The following CHRM5 variants were observed in gnomAD, a reference collection of about 807,000 sequenced individuals.
The protein encoded by CHRM5 is cholinergic receptor muscarinic 5, also known as muscarinic acetylcholine receptor M5.
In CHRM5, 18 loss-of-function variants were observed where a neutral mutation model predicts 39.0. That is an observed-to-expected ratio of 0.46 (90% CI 0.32 to 0.68). The LOEUF is 0.68. Ranked by LOEUF, CHRM5 falls within the 30% of genes least tolerant of loss-of-function variation. The pLI is 0.04. For missense variants in CHRM5, 515 were observed against 651.1 expected, an observed-to-expected ratio of 0.79 and a Z score of 2.28; for synonymous variants, 241 against 246.3, an observed-to-expected ratio of 0.98 and a Z score of 0.20.
At chr15:34,009,840 T>G (rs574241058) in intron 1 of CHRM5, among the ~76,000 whole-genome samples, 1 of 152,082 alleles carries the variant, frequency 6.6e-6, no homozygotes, top group African/African-American at 2.4e-5. Flanking sequence ...AAATAAAAAA[T>G]TAGCTGAGCA....
chr15:34,046,260 C>T lies in CHRM5; in HGVS notation c.-407-280C>T, dbSNP rs1034069276. Among the ~76,000 whole-genome samples, 5 of 150,828 alleles carry T rather than the reference C, an allele frequency of 3.3e-5. No individual in the cohort carries two copies. The East Asian group carries it at 5.9e-4, about 18-fold the overall frequency. The stretch of plus-strand genomic sequence containing the variant: ...TCAATCCATCAGCCGTGGAACCTAC[C>T]TTATGTTCCAAATCTTTTTGTGGAA... On this transcript the variant is annotated intron_variant, in intron 1 of 2. Coordinates refer to ENST00000383263, the MANE Select transcript of CHRM5 (RefSeq NM_012125.4).
intron 2 of CHRM5, among the ~76,000 whole-genome samples, chr15:34,060,493 G>A (rs771085103): frequency 6.6e-5 from 10 of 152,176 alleles, no homozygotes; most frequent in Non-Finnish European, 1.0e-4. Flanking sequence ...GTCAGTTACT[G>A]TTATCAAAAA....
intron 2 of CHRM5, among the ~76,000 whole-genome samples, chr15:34,056,845 AC>A (rs1900171805): frequency 6.6e-6 from 1 of 152,202 alleles, no homozygotes; most frequent in Admixed American, 6.5e-5. Flanking sequence ...AGCCTGAGCA[AC>A]ATAGCGAGAC....
intron 2 of CHRM5, among the ~76,000 whole-genome samples, chr15:34,060,743 G>A (rs1235271266): frequency 6.6e-6 from 1 of 152,164 alleles, no homozygotes; most frequent in Non-Finnish European, 1.5e-5. Context: ...CAGGCTTGGT[G>A]GCTGTAATCC....
Position 34,037,120 on chromosome 15 carries a change from A to AT in CHRM5, c.-407-9420_-407-9419insT, listed in dbSNP as rs1250590304. 1.4e-4 allele frequency among the ~76,000 whole-genome samples: 21 copies of AT among 150,794 alleles called. No homozygotes were observed. The South Asian group carries it at 2.5e-3, about 18-fold the overall frequency. On this transcript the variant is annotated intron_variant, in intron 1 of 2. Transcript: ENST00000383263. Reference sequence around the variant, plus strand: ...GTAAAACTCCGTCTCAAAAAAAAAAAAAAAATATATACCATCATTTCACCC... The same window carrying AT: ...GTAAAACTCCGTCTCAAAAAAAAAAATAAAAATATATACCATCATTTCACCC...
chr15:34,056,452 C>G (rs757458181), intron 2 of CHRM5, among the ~76,000 whole-genome samples: 2 of 152,180 alleles, frequency 1.3e-5, no homozygotes, highest in Non-Finnish European at 2.9e-5. Flanking sequence ...GCTAAGCTAC[C>G]TCTGTGTTAA....
At chr15:33,979,895 G>T (rs1426379410) in intron 1 of CHRM5, among the ~76,000 whole-genome samples, 1 of 152,130 alleles carries the variant, frequency 6.6e-6, no homozygotes, top group Non-Finnish European at 1.5e-5. Flanking sequence ...CAATCCAAGA[G>T]ATTCAAGATT....
At chr15:34,001,214 G>C (rs997627004) in intron 1 of CHRM5, among the ~76,000 whole-genome samples, 1 of 151,678 alleles carries the variant, frequency 6.6e-6, no homozygotes, top group Non-Finnish European at 1.5e-5. Context: ...TAGAAACGGG[G>C]TTTCACTATG....
At chr15:34,005,444 T>C (rs906573478) in intron 1 of CHRM5, among the ~76,000 whole-genome samples, 2 of 152,164 alleles carry the variant, frequency 1.3e-5, no homozygotes, top group African/African-American at 4.8e-5. Flanking sequence ...TTTTTTTATC[T>C]CCAATATTAT....
In CHRM5 at chr15:34,063,823, A is replaced by C. The variant is rs765881650; in HGVS notation, c.1106A>C (p.His369Pro). The C allele has an allele frequency of 1.2e-6, 2 of 1,614,234 alleles. No homozygotes were observed. The highest frequency in any genetic ancestry group is 1.7e-6 in the Non-Finnish European group (2 of 1,180,038). Reference protein sequence around the residue: ...PNYLLSPAAAHRPKSQKCVAY... With the variant: ...PNYLLSPAAAPRPKSQKCVAY... ...TACCTTCTGTCTCCAGCAGCTGCTC[A>C]TAGACCCAAGAGTCAGAAATGTGTG... Residue 369 changes from histidine to proline, a missense_variant, in exon 3 of 3, where the codon CAT becomes CCT. Physicochemically the swap from His to Pro is moderately conservative, Grantham distance 77. Transcript: ENST00000383263. This position sits in a 1 kb window ranked among gnomAD's most constrained non-coding sequence, Gnocchi z 4.1.
chr15:34,007,260 G>T (rs1897397020), intron 1 of CHRM5, among the ~76,000 whole-genome samples: 1 of 152,048 alleles, frequency 6.6e-6, no homozygotes, highest in Non-Finnish European at 1.5e-5. Flanking sequence ...GGTCATTTTT[G>T]ACCTCACCTG....
intron 1 of CHRM5, among the ~76,000 whole-genome samples, chr15:34,000,999 G>C (rs868575532): frequency 1.3e-5 from 2 of 151,458 alleles, no homozygotes. Context: ...CAGAGGACAG[G>C]CCTGCTAGGT....
chr15:33,997,298 G>T (rs996972971), intron 1 of CHRM5, among the ~76,000 whole-genome samples: 2 of 152,002 alleles, frequency 1.3e-5, no homozygotes, highest in Non-Finnish European at 2.9e-5. Flanking sequence ...TAAGTATCAA[G>T]ACTACTTTTT....
intron 2 of CHRM5, among the ~76,000 whole-genome samples, chr15:34,060,453 T>G (rs773128084): frequency 1.4e-4 from 21 of 152,190 alleles, no homozygotes; most frequent in Non-Finnish European, 2.6e-4. Flanking sequence ...CCAAGAAAAC[T>G]GTAGCCCTTT....
intron 1 of CHRM5, among the ~76,000 whole-genome samples, chr15:33,986,520 A>G (rs1896477495): frequency 6.6e-6 from 1 of 152,202 alleles, no homozygotes; most frequent in African/African-American, 2.4e-5. Context: ...CTAGAAAGTA[A>G]GAGGTAAAGA....
chr15:34,024,534 C>T (rs553801551), intron 1 of CHRM5, among the ~76,000 whole-genome samples: 1 of 148,066 alleles, frequency 6.8e-6, no homozygotes, highest in East Asian at 2.0e-4. Context: ...GGAAAACTAT[C>T]AAATTAAAAC....
At chr15:34,035,983 A>AG (rs932969666) in intron 1 of CHRM5, among the ~76,000 whole-genome samples, 8 of 151,942 alleles carry the variant, frequency 5.3e-5, no homozygotes, top group Admixed American at 1.3e-4. Context: ...TTTTATAGAG[A>AG]GGGGGTCTCG....
At chr15:34,053,313 A>T (rs1319063958) in intron 2 of CHRM5, among the ~76,000 whole-genome samples, 40 of 94,604 alleles carry the variant, frequency 4.2e-4, no homozygotes, top group African/African-American at 1.7e-3. Context: ...AAAAAAAAAA[A>T]AAAAAAATAT....
intron 1 of CHRM5, among the ~76,000 whole-genome samples, chr15:34,017,413 C>T (rs1897965139): frequency 6.6e-6 from 1 of 151,910 alleles, no homozygotes; most frequent in African/African-American, 2.4e-5. Flanking sequence ...TGTCCCTATC[C>T]CCACATAACT....
Sources: allele counts gnomAD v4.1 joint callset (sites outside exome capture counted in the v4.1 genomes callset), GRCh38; gene constraint gnomAD v4.1.1; non-coding constraint Gnocchi (gnomAD v3.1); transcripts MANE v1.5; gene names NCBI Gene and HGNC (gene_info 2026-07-23, HGNC 2026-07-21).